The following HECW1 variants were observed in gnomAD, a reference collection of about 807,000 sequenced individuals.
HECW1 encodes E3 ubiquitin-protein ligase HECW1.
Under a neutral mutation model 182.3 loss-of-function variants are expected in HECW1, and 61 were observed. That is an observed-to-expected ratio of 0.33 (90% CI 0.27 to 0.41). The LOEUF is 0.41. Ranked by LOEUF, HECW1 falls within the 10% of genes least tolerant of loss-of-function variation. The probability of loss-of-function intolerance (pLI) is 1.00; values close to 1 mark genes in which losing one functional copy is unlikely to be tolerated. For synonymous variants in HECW1, 859 were observed against 832.6 expected, an observed-to-expected ratio of 1.03 and a Z score of -0.55; for missense variants, 1,739 against 2,108.9, an observed-to-expected ratio of 0.82 and a Z score of 3.44.
rs182441179 is a variant in HECW1, at chr7:43,562,793, T to C, written c.*867T>C. On this transcript the variant is annotated 3_prime_UTR_variant, in exon 30 of 30. Coordinates refer to ENST00000395891, the MANE Select transcript of HECW1 (RefSeq NM_015052.5). Reference sequence around the variant, plus strand: ...TCAGCCCCCATTGTCTTATGTAGAATGTGGCAATGCCAACTGGAGAAAGGG... The same window carrying C: ...TCAGCCCCCATTGTCTTATGTAGAACGTGGCAATGCCAACTGGAGAAAGGG... 1.3e-3 allele frequency: 277 copies of C among 216,980 alleles called. 1 individual carries two copies. Among genetic ancestry groups the C allele is most frequent in the African/African-American group, 5.8e-3 (260 of 44,502 alleles). The allele number at this position is 216,980 out of a possible 1,614,324, so 13.4% of individuals were successfully genotyped here. A position where few individuals can be genotyped will look rare whatever the true frequency, so the allele number is the denominator to read the frequency against.
intron 25 of HECW1, 57 bp from the exon 26 acceptor site, chr7:43,541,812 G>A (rs2081373396): frequency 7.4e-7 from 1 of 1,352,080 alleles, no homozygotes. Context: ...ACATTTTGAA[G>A]TGAGGTCTGG....
At chr7:43,198,650 A>G (rs1794733542) in intron 2 of HECW1, among the ~76,000 whole-genome samples, 1 of 138,982 alleles carries the variant, frequency 7.2e-6, no homozygotes, top group Non-Finnish European at 1.6e-5. Context: ...CCCACACTCT[A>G]TCTCACACAC....
chr7:43,371,126 A>T (rs372107609), intron 6 of HECW1, among the ~76,000 whole-genome samples: 1 of 152,234 alleles, frequency 6.6e-6, no homozygotes, highest in African/African-American at 2.4e-5. Flanking sequence ...TGACCTTGTG[A>T]TCCACCCGCC....
chr7:43,386,495 C>T (rs1383226134), intron 6 of HECW1, among the ~76,000 whole-genome samples: 1 of 152,164 alleles, frequency 6.6e-6, no homozygotes, highest in East Asian at 1.9e-4. Context: ...GTGCATGAGC[C>T]CTGAAGAAGC....
intron 14 of HECW1, 21 bp from the exon 15 acceptor site, chr7:43,466,426 C>T: frequency 1.2e-6 from 2 of 1,612,068 alleles, no homozygotes; most frequent in Non-Finnish European, 1.7e-6. Flanking sequence ...CATTCTGTTG[C>T]TTTGCTTCAC....
intron 3 of HECW1, among the ~76,000 whole-genome samples, chr7:43,256,203 T>C (rs1800549618): frequency 1.3e-5 from 2 of 152,188 alleles, no homozygotes; most frequent in African/African-American, 2.4e-5. Flanking sequence ...CAATCCAAAA[T>C]AGTAAATGTG....
Position 43,311,985 on chromosome 7 carries a change from A to G in HECW1, c.250A>G (p.Ser84Gly). ...GGACAGCCGCTCCACGCTCATGGTC[A>G]GCAGCTCCTACTATTCCATCGGGCA... is the stretch of plus-strand genomic sequence containing the variant. ...TSDSRSTLMV[S>G]SSYYSIGHSQ... The change falls in exon 4 of 30, where the codon AGC (serine) becomes GGC (glycine). Residue 84 changes from serine to glycine, a missense_variant. Physicochemically the swap from Ser to Gly is moderately conservative, Grantham distance 56. Coordinates refer to ENST00000395891, the MANE Select transcript of HECW1 (RefSeq NM_015052.5). 6.2e-7 allele frequency: 1 copy of G among 1,614,266 alleles called. No individual in the cohort carries two copies. Among genetic ancestry groups the G allele is most frequent in the Non-Finnish European group, 8.5e-7 (1 of 1,180,052 alleles).
intron 24 of HECW1, among the ~76,000 whole-genome samples, chr7:43,513,682 G>T (rs542204323): frequency 1.1e-3 from 162 of 151,178 alleles, no homozygotes; most frequent in African/African-American, 3.7e-3. Context: ...GTGGGTTTTG[G>T]TTTTTTTTTG....
chr7:43,224,511 T>G (rs1269125560), intron 2 of HECW1, among the ~76,000 whole-genome samples: 1 of 152,182 alleles, frequency 6.6e-6, no homozygotes, highest in South Asian at 2.1e-4. Context: ...TAACAAAGAC[T>G]GTGCCATGTG....
At chr7:43,258,465 C>T (rs1299985172) in intron 3 of HECW1, 2 of 152,144 alleles carry the variant, frequency 1.3e-5, no homozygotes, top group African/African-American at 2.4e-5. Context: ...TCTAGTGTAG[C>T]GTGCCAATAA....
intron 24 of HECW1, among the ~76,000 whole-genome samples, chr7:43,513,391 G>T (rs971940746): frequency 6.6e-6 from 1 of 152,158 alleles, no homozygotes; most frequent in African/African-American, 2.4e-5. Flanking sequence ...TCCAGGCAAG[G>T]CACTGCCCAA....
Position 43,118,663 on chromosome 7 carries a change from A to G in HECW1, c.-32+4272A>G, listed in dbSNP as rs558850247. ...CATCAAAACTTAAAACTACTTAATG[A>G]CGTTTTCCCTCTATTTTGAATATAA... On this transcript the variant is annotated intron_variant, in intron 2 of 29. Transcript: ENST00000395891. 3.9e-5 allele frequency: 6 copies of G among 152,204 alleles called. No individual in the cohort carries two copies. The East Asian group carries it at 9.7e-4, about 24-fold the overall frequency. 9.4% of individuals were successfully genotyped at this position (152,204 alleles called of 1,614,324 possible).
intron 6 of HECW1, among the ~76,000 whole-genome samples, chr7:43,385,376 A>G (rs2074752376): frequency 6.8e-6 from 1 of 146,710 alleles, no homozygotes; most frequent in Admixed American, 6.9e-5. Context: ...CCTCCAAATT[A>G]GTCTCTCTGC....
intron 3 of HECW1, among the ~76,000 whole-genome samples, chr7:43,262,606 A>T (rs1454169139): frequency 6.6e-6 from 1 of 152,240 alleles, no homozygotes; most frequent in African/African-American, 2.4e-5. Flanking sequence ...AAACTAAGCT[A>T]TGAAAAGTAG....
intron 3 of HECW1, among the ~76,000 whole-genome samples, chr7:43,310,363 C>A (rs980654277): frequency 6.6e-6 from 1 of 152,174 alleles, no homozygotes; most frequent in African/African-American, 2.4e-5. Context: ...CCAGGCAACA[C>A]CATGGTCCAT....
Position 43,564,080 on chromosome 7 carries a change from G to A in HECW1, c.*2154G>A, listed in dbSNP as rs557509810. ...GAGGGATATGTAAAATTCAGTACAC[G>A]TTCAGCATCTGAAAAATAATGGATT... On this transcript the variant is annotated 3_prime_UTR_variant, in exon 30 of 30. Transcript: ENST00000395891. The A allele has an allele frequency of 1.6e-5, 3 of 187,648 alleles. No individual in the cohort carries two copies. Among genetic ancestry groups the A allele is most frequent in the Non-Finnish European group, 2.2e-5 (2 of 88,924 alleles). 11.6% of individuals were successfully genotyped at this position (187,648 alleles called of 1,614,324 possible).
chr7:43,438,278 C>G, intron 9 of HECW1, 133 bp downstream of exon 9: 1 of 733,896 alleles, frequency 1.4e-6, no homozygotes, highest in Non-Finnish European at 2.1e-6. Context: ...TTTGTTTTTC[C>G]TACTAATTAT....
chr7:43,352,426 T>C (rs1242022493), intron 5 of HECW1, among the ~76,000 whole-genome samples: 2 of 152,246 alleles, frequency 1.3e-5, no homozygotes, highest in Non-Finnish European at 2.9e-5. Flanking sequence ...TTCTACATTT[T>C]AACAGCTTTT....
At chr7:43,130,743 G>A (rs1786822340) in intron 2 of HECW1, among the ~76,000 whole-genome samples, 1 of 152,174 alleles carries the variant, frequency 6.6e-6, no homozygotes, top group Non-Finnish European at 1.5e-5. Context: ...AATTTTGACT[G>A]TGACCTGGCA....
Sources: gnomAD v4.1 joint callset for allele counts (sites outside exome capture counted in the v4.1 genomes callset) on GRCh38, gnomAD v4.1.1 for gene constraint, MANE v1.5 for transcripts, NCBI Gene and HGNC (gene_info 2026-07-23, HGNC 2026-07-21) for gene names.